The following IL1RAPL1 variants were observed in gnomAD, a reference collection of about 807,000 sequenced individuals.
IL1RAPL1 encodes the protein interleukin 1 receptor accessory protein like 1, also known as interleukin-1 receptor accessory protein-like 1.
IL1RAPL1 carries 3 observed loss-of-function variants against 48.4 expected under a neutral mutation model. The ratio of observed to expected loss-of-function variants is 0.06; its 90% CI spans 0.03 to 0.16. IL1RAPL1 has a LOEUF of 0.16. Among genes scored for constraint, IL1RAPL1 ranks in the 10% least tolerant of loss-of-function variants. IL1RAPL1 has a pLI of 1.00. For synonymous variants in IL1RAPL1, 185 were observed against 187.7 expected, an observed-to-expected ratio of 0.99 and a Z score of 0.12; for missense variants, 349 against 530.6, an observed-to-expected ratio of 0.66 and a Z score of 3.36.
intron 1 of IL1RAPL1, among the ~76,000 whole-genome samples, chrX:28,717,732 G>A (rs1262803826): frequency 9.0e-6 from 1 of 110,933 alleles, no homozygotes; most frequent in Admixed American, 9.6e-5. Flanking sequence ...GTGGGGAGGG[G>A]GACTGGAGGA....
intron 2 of IL1RAPL1, among the ~76,000 whole-genome samples, chrX:29,219,058 A>G (rs775688031): frequency 8.9e-6 from 1 of 112,193 alleles, no homozygotes; most frequent in African/African-American, 3.2e-5. Context: ...AACTTTGACA[A>G]TTTATAATTT....
At chrX:29,922,323 A>G (rs1319797845) in intron 8 of IL1RAPL1, among the ~76,000 whole-genome samples, 2 of 112,171 alleles carry the variant, frequency 1.8e-5, no homozygotes, top group East Asian at 5.6e-4. Context: ...AATGTGGTCA[A>G]TGTTAGAGTA....
In IL1RAPL1 at chrX:29,366,967, A is replaced by G. The variant is rs183987717; in HGVS notation, c.363-29291A>G. Among the ~76,000 whole-genome samples, 473 of 111,476 alleles carry G rather than the reference A, an allele frequency of 4.2e-3. 5 individuals are homozygous for G. Among genetic ancestry groups the G allele is most frequent in the African/African-American group, 0.015 (456 of 30,711 alleles). The stretch of plus-strand genomic sequence containing the variant: ...ACACTTACATATAAAATATTTTTAA[A>G]GCATATATGCACATATATGAATTTA... On this transcript the variant is annotated intron_variant, in intron 3 of 10. Coordinates refer to ENST00000378993, the MANE Select transcript of IL1RAPL1 (RefSeq NM_014271.4).
At chrX:28,800,514 G>A (rs1486040762) in intron 2 of IL1RAPL1, among the ~76,000 whole-genome samples, 1 of 111,527 alleles carries the variant, frequency 9.0e-6, no homozygotes, top group Non-Finnish European at 1.9e-5. Context: ...TGAGGATCAA[G>A]GATTCTGTGG....
chrX:29,799,003 T>C (rs1333458851), intron 6 of IL1RAPL1, among the ~76,000 whole-genome samples: 1 of 112,087 alleles, frequency 8.9e-6, no homozygotes, highest in Non-Finnish European at 1.9e-5. Flanking sequence ...ATATATTTGC[T>C]TTTTTAGTTG....
chrX:29,859,882 A>T (rs917144144), intron 6 of IL1RAPL1, among the ~76,000 whole-genome samples: 1 of 112,088 alleles, frequency 8.9e-6, no homozygotes, highest in Non-Finnish European at 1.9e-5. Flanking sequence ...ATACATTGAT[A>T]TGCTTTTAAC....
At chrX:28,874,696 C>G (rs187793387) in intron 2 of IL1RAPL1, among the ~76,000 whole-genome samples, 1 of 112,339 alleles carries the variant, frequency 8.9e-6, no homozygotes, top group African/African-American at 3.2e-5. Flanking sequence ...GCTGGCAGTA[C>G]AAGTGGTACT....
chrX:29,711,322 T>A (rs1467384454), intron 6 of IL1RAPL1, among the ~76,000 whole-genome samples: 1 of 106,577 alleles, frequency 9.4e-6, no homozygotes, highest in East Asian at 3.0e-4. Context: ...TAGCTGGGAT[T>A]ACCGCCATGC....
intron 6 of IL1RAPL1, among the ~76,000 whole-genome samples, chrX:29,812,950 G>A (rs932474734): frequency 3.1e-4 from 34 of 111,279 alleles, no homozygotes; most frequent in African/African-American, 1.1e-3. Context: ...CCTGACAGGC[G>A]TTTGAATAGG....
At chrX:29,334,724 C>T (rs1325620435) in intron 3 of IL1RAPL1, among the ~76,000 whole-genome samples, 5 of 112,732 alleles carry the variant, frequency 4.4e-5, no homozygotes, top group Admixed American at 9.2e-5. Context: ...GATGGGCGGC[C>T]GGGCAGAGAC....
At chrX:28,760,298 A>G (rs1259699257) in intron 1 of IL1RAPL1, among the ~76,000 whole-genome samples, 1 of 112,082 alleles carries the variant, frequency 8.9e-6, no homozygotes, top group Non-Finnish European at 1.9e-5. Context: ...TCTTAGGTCT[A>G]TTATCTAGCC....
intron 5 of IL1RAPL1, among the ~76,000 whole-genome samples, chrX:29,576,932 C>T (rs1922796696): frequency 9.0e-6 from 1 of 110,669 alleles, no homozygotes; most frequent in Non-Finnish European, 1.9e-5. Flanking sequence ...TTTTCTACTT[C>T]AAGGGCAGTG....
At chrX:28,675,079 A>G (rs1464243842) in intron 1 of IL1RAPL1, among the ~76,000 whole-genome samples, 2 of 112,101 alleles carry the variant, frequency 1.8e-5, no homozygotes, top group African/African-American at 6.5e-5. Flanking sequence ...GAAGATGGAC[A>G]TATTATTTTT....
In IL1RAPL1 at chrX:28,930,808, A is replaced by AT. The variant is rs751790712; in HGVS notation, c.82+141389dup. Among the ~76,000 whole-genome samples the AT allele has an allele frequency of 2.7e-3, 297 of 110,267 alleles. 1 individual carries two copies. Among genetic ancestry groups the AT allele is most frequent in the Middle Eastern group, 9.3e-3 (2 of 215 alleles). On this transcript the variant is annotated intron_variant, in intron 2 of 10. Coordinates refer to ENST00000378993, the MANE Select transcript of IL1RAPL1 (RefSeq NM_014271.4). ...AGGCACCTGCCACCACGCCCGGCTA[A>AT]TTTTTTGTATTTTTGGTAGAGACGG...
chrX:29,595,049 C>A (rs1056519889), intron 5 of IL1RAPL1, among the ~76,000 whole-genome samples: 5 of 112,393 alleles, frequency 4.4e-5, no homozygotes, highest in Admixed American at 3.8e-4. Context: ...CAGGTTGCTG[C>A]AAATGTCATT....
At chrX:29,849,509 A>G (rs1475137399) in intron 6 of IL1RAPL1, among the ~76,000 whole-genome samples, 1 of 112,290 alleles carries the variant, frequency 8.9e-6, no homozygotes, top group Non-Finnish European at 1.9e-5. Flanking sequence ...AGAAAAGTAA[A>G]GCCAGCTAAC....
rs1342623947 is a variant in IL1RAPL1 at position 29,217,932 on chromosome X, T to A, written c.83-65006T>A. On this transcript the variant is annotated intron_variant, in intron 2 of 10. Coordinates refer to ENST00000378993, the MANE Select transcript of IL1RAPL1 (RefSeq NM_014271.4). ...AAAATCTGAGATTAAAAAAATAAATTTGTTTTTCCTTATATCCTATAGGTA... is the reference window on the plus strand; with the variant it reads ...AAAATCTGAGATTAAAAAAATAAATATGTTTTTCCTTATATCCTATAGGTA... 5.9e-4 allele frequency among the ~76,000 whole-genome samples: 65 copies of A among 110,964 alleles called. No homozygotes were observed. In the Admixed American group the frequency reaches 6.3e-3, roughly 11 times the overall value.
intron 2 of IL1RAPL1, among the ~76,000 whole-genome samples, chrX:28,884,881 T>C (rs1015244318): frequency 2.7e-5 from 3 of 111,841 alleles, no homozygotes; most frequent in Admixed American, 9.6e-5. Flanking sequence ...TGTGTCATGC[T>C]TGCCTAATGT....
At chrX:29,192,371 T>C (rs1930368100) in intron 2 of IL1RAPL1, among the ~76,000 whole-genome samples, 1 of 112,324 alleles carries the variant, frequency 8.9e-6, no homozygotes, top group South Asian at 3.6e-4. Context: ...GCATCCCTAG[T>C]GTGCATTTTG....
Sources: allele counts gnomAD v4.1 joint callset (sites outside exome capture counted in the v4.1 genomes callset), GRCh38; gene constraint gnomAD v4.1.1; transcripts MANE v1.5; gene names NCBI Gene and HGNC (gene_info 2026-07-23, HGNC 2026-07-21).